The following CHRM3 variants were observed in gnomAD, a reference collection of about 807,000 sequenced individuals.
The protein encoded by CHRM3 is muscarinic acetylcholine receptor M3.
Under a neutral mutation model 41.8 loss-of-function variants are expected in CHRM3, and 11 were observed. The ratio of observed to expected loss-of-function variants is 0.26; its 90% confidence interval spans 0.17 to 0.44. The LOEUF (loss-of-function observed/expected upper bound fraction) is 0.44, where lower values mean the gene tolerates loss of function less well. Among genes scored for constraint, CHRM3 ranks in the 20% least tolerant of loss-of-function variants. The pLI is 1.00. For synonymous variants in CHRM3, 297 were observed against 301.4 expected (o/e 0.99, Z 0.15); for missense variants, 571 against 745.4 (o/e 0.77, Z 2.72).
chr1:239,558,276 CT>C (rs1660553092), intron 3 of CHRM3, among the ~76,000 whole-genome samples: 2 of 152,056 alleles, frequency 1.3e-5, no homozygotes, highest in African/African-American at 2.4e-5. Flanking sequence ...GCATGTATGT[CT>C]TCTTTTGAGA....
intron 3 of CHRM3, among the ~76,000 whole-genome samples, chr1:239,548,197 A>G (rs776959925): frequency 2.0e-4 from 30 of 152,164 alleles, no homozygotes; most frequent in Non-Finnish European, 3.1e-4. Flanking sequence ...TTTCCAAATG[A>G]GTCATAATTT....
chr1:239,684,302 C>T (rs1182647026), intron 5 of CHRM3, among the ~76,000 whole-genome samples: 1 of 152,078 alleles, frequency 6.6e-6, no homozygotes. Flanking sequence ...ACAGGACAGT[C>T]CCCCACAACA....
intron 1 of CHRM3, among the ~76,000 whole-genome samples, chr1:239,484,812 A>G (rs909215493): frequency 1.3e-5 from 2 of 152,200 alleles, no homozygotes; most frequent in Non-Finnish European, 2.9e-5. Flanking sequence ...CACAGAGTAC[A>G]CACCGTGTAC....
chr1:239,694,770 C>G (rs1392808636), intron 5 of CHRM3, among the ~76,000 whole-genome samples: 1 of 152,182 alleles, frequency 6.6e-6, no homozygotes, highest in Non-Finnish European at 1.5e-5. Flanking sequence ...AATTATCACA[C>G]TAATCTTAAT....
chr1:239,861,598 T>C (rs1289048256), intron 6 of CHRM3, among the ~76,000 whole-genome samples: 3 of 152,130 alleles, frequency 2.0e-5, no homozygotes, highest in Non-Finnish European at 4.4e-5. Context: ...TAATTGTCCA[T>C]GGGACCAAGT....
chr1:239,560,324 T>C (rs1660737191), intron 3 of CHRM3, among the ~76,000 whole-genome samples: 1 of 152,148 alleles, frequency 6.6e-6, no homozygotes, highest in South Asian at 2.1e-4. Context: ...ATATTTCTTT[T>C]TATGGTCATT....
At chr1:239,764,407 T>C (rs12078554) in intron 5 of CHRM3, among the ~76,000 whole-genome samples, 13,405 of 152,156 alleles carry the variant, frequency 0.088, 910 homozygotes, top group East Asian at 0.39. Flanking sequence ...AGAAGCTGCA[T>C]GGTGAGTGCA....
chr1:239,551,144 CTTTTTT>C (rs1157407521), intron 3 of CHRM3, among the ~76,000 whole-genome samples: 2 of 60,358 alleles, frequency 3.3e-5, no homozygotes, highest in South Asian at 1.5e-3. Context: ...TGTTACCATT[CTTTTTT>C]TTTTTTTTTT....
At chr1:239,742,591 G>C (rs1664955713) in intron 5 of CHRM3, among the ~76,000 whole-genome samples, 1 of 152,142 alleles carries the variant, frequency 6.6e-6, no homozygotes, top group Admixed American at 6.5e-5. Context: ...TCCTACTGTA[G>C]GTCAAGGCAA....
At chr1:239,820,665 G>C (rs963647129) in intron 5 of CHRM3, among the ~76,000 whole-genome samples, 2 of 152,098 alleles carry the variant, frequency 1.3e-5, no homozygotes, top group Non-Finnish European at 2.9e-5. Context: ...TGGGGTACTG[G>C]TTTGTGCGCC....
At chr1:239,393,099 A>T (rs912199936) in intron 1 of CHRM3, among the ~76,000 whole-genome samples, 1 of 152,140 alleles carries the variant, frequency 6.6e-6, no homozygotes, top group Non-Finnish European at 1.5e-5. Context: ...GTTCAAGGTT[A>T]TAATGTACTA....
intron 5 of CHRM3, among the ~76,000 whole-genome samples, chr1:239,733,888 T>A (rs1266806779): frequency 6.6e-6 from 1 of 152,068 alleles, no homozygotes; most frequent in Non-Finnish European, 1.5e-5. Context: ...ATATATCATC[T>A]TTTATGCTTC....
At chr1:239,848,588 A>G (rs1674461565) in intron 6 of CHRM3, among the ~76,000 whole-genome samples, 1 of 152,162 alleles carries the variant, frequency 6.6e-6, no homozygotes, top group Non-Finnish European at 1.5e-5. Context: ...ATTGAGGCAC[A>G]GACAGGTTAA....
intron 4 of CHRM3, among the ~76,000 whole-genome samples, chr1:239,668,258 G>A (rs1236390672): frequency 6.6e-6 from 1 of 151,118 alleles, no homozygotes; most frequent in East Asian, 2.0e-4. Context: ...ACTACCACCT[G>A]TAATATTTTT....
At chr1:239,604,231 G>C (rs1007799206) in intron 3 of CHRM3, among the ~76,000 whole-genome samples, 23 of 151,166 alleles carry the variant, frequency 1.5e-4, no homozygotes, top group African/African-American at 5.3e-4. Flanking sequence ...CATTTATTAA[G>C]TTGGAAATGT....
At chr1:239,457,683 AC>A (rs1391173323) in intron 1 of CHRM3, among the ~76,000 whole-genome samples, 1 of 152,182 alleles carries the variant, frequency 6.6e-6, no homozygotes, top group Non-Finnish European at 1.5e-5. Context: ...CAAGCAAGTT[AC>A]CTGTCTAGAC....
chr1:239,703,884 GA>G (rs3214727), intron 5 of CHRM3: 76,977 of 151,894 alleles, frequency 0.51, 19,750 homozygotes, highest in Admixed American at 0.56. Flanking sequence ...CGCACTGAAT[GA>G]AAAGGGCAAT....
At chr1:239,684,646 G>A (rs546426920) in intron 5 of CHRM3, among the ~76,000 whole-genome samples, 5 of 145,248 alleles carry the variant, frequency 3.4e-5, no homozygotes, top group Non-Finnish European at 7.5e-5. Flanking sequence ...GCGAGATTCC[G>A]TCTCAAAAAA....
At chr1:239,779,400 T>C (rs1668343435) in intron 5 of CHRM3, among the ~76,000 whole-genome samples, 1 of 152,216 alleles carries the variant, frequency 6.6e-6, no homozygotes, top group Admixed American at 6.5e-5. Flanking sequence ...ATATTCACAA[T>C]TACAGAATCA....
Sources: gnomAD v4.1 joint callset for allele counts (sites outside exome capture counted in the v4.1 genomes callset) on GRCh38, gnomAD v4.1.1 for gene constraint, MANE v1.5 for transcripts, NCBI Gene and HGNC (gene_info 2026-07-23, HGNC 2026-07-21) for gene names.